The following CEP350 variants were observed in gnomAD, a reference collection of about 807,000 sequenced individuals.
The protein encoded by CEP350 is centrosome-associated protein 350.
Under a neutral mutation model 331.8 loss-of-function variants are expected in CEP350, and 126 were observed. That is an observed-to-expected ratio of 0.38 (90% CI 0.33 to 0.44). The LOEUF is 0.44. Among genes scored for constraint, CEP350 ranks in the 20% least tolerant of loss-of-function variants. The pLI is 1.00. For synonymous variants in CEP350, 1,200 were observed against 1,259.5 expected (o/e 0.95, Z 1.00); for missense variants, 3,406 against 3,634.6 (o/e 0.94, Z 1.62).
chr1:180,052,885 C>T (rs1657602299), intron 22 of CEP350, 85 bp from the exon 23 acceptor site: 2 of 545,538 alleles, frequency 3.7e-6, no homozygotes, highest in African/African-American at 1.9e-5. Context: ...GTTGGATTGT[C>T]CCATAAAGAG....
chr1:179,967,725 C>T (rs1427399612), intron 1 of CEP350, among the ~76,000 whole-genome samples: 2 of 152,044 alleles, frequency 1.3e-5, no homozygotes, highest in African/African-American at 4.8e-5. Context: ...TCATTTCATT[C>T]ATTATTTCAT....
Position 180,020,561 on chromosome 1 carries a change from G to A in CEP350, c.2787G>A (p.Gln929=), listed in dbSNP as rs1229800825. ...FKKLPEMIRP[Q]SAISSFRVRS... Reference sequence around the variant, plus strand: ...AGCTTCCTGAGATGATAAGACCACAGAGTGCCATATCAAGCTTTAGAGTGA... The same window carrying A: ...AGCTTCCTGAGATGATAAGACCACAAAGTGCCATATCAAGCTTTAGAGTGA... Residue 929 remains glutamine, a synonymous_variant, in exon 12 of 38, where the codon CAG becomes CAA. Transcript: ENST00000367607. The A allele has an allele frequency of 2.5e-6, 4 of 1,613,880 alleles. No homozygotes were observed. In the Admixed American group the frequency reaches 6.7e-5, roughly 27 times the overall value.
intron 8 of CEP350, among the ~76,000 whole-genome samples, chr1:180,008,755 G>A (rs1654421262): frequency 6.6e-6 from 1 of 152,178 alleles, no homozygotes; most frequent in Non-Finnish European, 1.5e-5. Context: ...TAGATATGTT[G>A]TTACAATAAA....
At chr1:180,073,964 G>T in intron 27 of CEP350, 3 of 1,270,294 alleles carry the variant, frequency 2.4e-6, no homozygotes, top group South Asian at 1.3e-5. Flanking sequence ...TGTTCTTTTT[G>T]TTTGTTTTGT....
At chr1:180,064,042 A>G (rs564622049) in intron 26 of CEP350, among the ~76,000 whole-genome samples, 1 of 152,162 alleles carries the variant, frequency 6.6e-6, no homozygotes, top group Non-Finnish European at 1.5e-5. Context: ...TCTGCAGACT[A>G]CCTGAAAGTG....
chr1:179,968,836 GCC>G (rs756963661), intron 1 of CEP350: 2 of 712,758 alleles, frequency 2.8e-6, no homozygotes, highest in African/African-American at 1.7e-5. Flanking sequence ...GGCAGCTCGT[GCC>G]ATTGTTACCT....
chr1:180,015,297 G>C (rs995760998), intron 10 of CEP350, among the ~76,000 whole-genome samples: 3 of 151,836 alleles, frequency 2.0e-5, no homozygotes, highest in African/African-American at 7.3e-5. Flanking sequence ...GCAGTGGCGC[G>C]ATCTCGGCTC....
At chr1:180,052,921 A>G (rs1056648182) in intron 22 of CEP350, 49 bp from the exon 23 acceptor site, 2 of 700,430 alleles carry the variant, frequency 2.9e-6, no homozygotes, top group African/African-American at 1.8e-5. Flanking sequence ...TTGAATACCT[A>G]CTGAGAACAA....
rs1219783167 is a variant in CEP350, at chr1:180,093,283, A to G, written c.7178A>G (p.Tyr2393Cys). 4.4e-6 allele frequency: 7 copies of G among 1,598,340 alleles called. No homozygotes were observed. Among genetic ancestry groups the G allele is most frequent in the Non-Finnish European group, 6.0e-6 (7 of 1,171,656 alleles). The part of the protein sequence containing the change: ...SFKKEISAEL[Y>C]KDDFEVSSLL... ...AAGAAAGAAATTTCAGCTGAATTGT[A>G]CAAAGATGATTTTGAGGTGTCATCT... The change falls in exon 34 of 38, where the codon TAC becomes TGC. Residue 2393 changes from tyrosine to cysteine, a missense_variant. Physicochemically the swap from Tyr to Cys is radical, Grantham distance 194. This residue lies in a region of CEP350 where 1,415 missense variants were observed against 1,512.3 expected (regional missense o/e 0.94). Coordinates refer to ENST00000367607, the MANE Select transcript of CEP350 (RefSeq NM_014810.5).
intron 14 of CEP350, among the ~76,000 whole-genome samples, chr1:180,026,862 A>G (rs1316299941): frequency 1.3e-5 from 2 of 152,194 alleles, no homozygotes; most frequent in Admixed American, 1.3e-4. Flanking sequence ...TTGTTTATCC[A>G]TTCATCTGTT....
At chr1:180,033,746 A>T in intron 15 of CEP350, 116 bp from the exon 16 acceptor site, 4 of 1,043,698 alleles carry the variant, frequency 3.8e-6, no homozygotes, top group Non-Finnish European at 5.5e-6. Context: ...TGCCTAAATC[A>T]CAACTTTTTA....
chr1:180,073,811 T>G (rs1325437496), intron 27 of CEP350: 3 of 1,304,486 alleles, frequency 2.3e-6, no homozygotes, highest in Non-Finnish European at 3.0e-6. Flanking sequence ...TCACTACTTC[T>G]TCTCTGTCTT....
intron 25 of CEP350, 37 bp downstream of exon 25, chr1:180,054,539 A>G (rs757660277): frequency 6.9e-7 from 1 of 1,441,864 alleles, no homozygotes; most frequent in African/African-American, 1.4e-5. Context: ...GACAGCTTAT[A>G]AGGCAAGTTA....
chr1:179,975,364 T>G (rs1427382141), intron 1 of CEP350, among the ~76,000 whole-genome samples: 1 of 152,208 alleles, frequency 6.6e-6, no homozygotes, highest in Non-Finnish European at 1.5e-5. Context: ...TGAAGAGTTA[T>G]AAAATCAGAA....
chr1:180,041,767 C>G lies in CEP350; in HGVS notation c.4327C>G (p.Arg1443Gly). 1 of 1,612,908 alleles carries G rather than the reference C, an allele frequency of 6.2e-7. No homozygotes were observed. Residue 1443 changes from arginine (R) to glycine (G), a missense_variant, in exon 19 of 38, where the codon CGC (arginine) becomes GGC (glycine). Arg to Gly is a moderately radical substitution (Grantham distance 125). This residue lies in a region of CEP350 where 1,857 missense variants were observed against 1,909.2 expected (regional missense o/e 0.97). Coordinates refer to ENST00000367607, the MANE Select transcript of CEP350 (RefSeq NM_014810.5). ...KIAAQQSETA[R>G]LTTDAARQIC... ...AGCAGCTCAGCAGTCAGAAACTGCTCGCCTCACCACAGACGCAGCACGTCA... is the reference window on the plus strand; with the variant it reads ...AGCAGCTCAGCAGTCAGAAACTGCTGGCCTCACCACAGACGCAGCACGTCA...
In CEP350 at chr1:179,992,106, A is replaced by C. The variant is rs1324297190; in HGVS notation, c.280A>C (p.Lys94Gln). ...DDSWVNAPIS[K>Q]STKSRKEKSR... is the part of the protein sequence containing the mutation. ...TTCTTGGGTTAATGCTCCAATCTCC[A>C]AATCCACTAAATCACGAAAAGAGAA... Residue 94 changes from lysine (K) to glutamine (Q), a missense_variant, in exon 5 of 38, where the codon AAA becomes CAA. Coordinates refer to ENST00000367607, the MANE Select transcript of CEP350 (RefSeq NM_014810.5). The C allele has an allele frequency of 6.4e-7, 1 of 1,553,818 alleles. No individual in the cohort carries two copies. The highest frequency in any genetic ancestry group is 1.4e-5 in the African/African-American group (1 of 72,318).
chr1:180,024,431 C>A lies in CEP350; in HGVS notation c.3399C>A (p.Ser1133Arg), dbSNP rs1390600279. Residue 1133 changes from serine (S) to arginine (R), a missense_variant, in exon 14 of 38, where the codon AGC becomes AGA. By Grantham distance (110) the Ser-to-Arg change is moderately radical. Around this residue, in one of 5 missense-constraint regions of CEP350, gnomAD observed 1,857 missense variants for 1,909.2 expected, o/e 0.97. Coordinates refer to ENST00000367607, the MANE Select transcript of CEP350 (RefSeq NM_014810.5). ...KSTLEPHSTL[S>R]PQEDHSNRKS... ...TATTCTTTGACAGTAGCACTTTAAG[C>A]CCTCAGGAGGACCATTCTAACAGAA... The A allele has an allele frequency of 1.9e-6, 3 of 1,610,798 alleles. No homozygotes were observed. The highest frequency in any genetic ancestry group is 3.3e-5 in the Admixed American group (2 of 59,788).
chr1:180,055,267 A>G (rs1304416596), intron 25 of CEP350, among the ~76,000 whole-genome samples: 1 of 152,164 alleles, frequency 6.6e-6, no homozygotes, highest in Non-Finnish European at 1.5e-5. Flanking sequence ...ACTCTCTGAG[A>G]CTTAATTTCC....
At chr1:180,084,307 C>G (rs1355016163) in intron 31 of CEP350, 129 bp downstream of exon 31, 2 of 840,822 alleles carry the variant, frequency 2.4e-6, no homozygotes, top group African/African-American at 3.5e-5. Context: ...ACATTTTATT[C>G]TCTTAAAAAA....
Sources: gnomAD v4.1 joint callset for allele counts (sites outside exome capture counted in the v4.1 genomes callset) on GRCh38, gnomAD v4.1.1 for gene constraint, gnomAD v4.1.1 regional missense constraint, MANE v1.5 for transcripts, NCBI Gene and HGNC (gene_info 2026-07-23, HGNC 2026-07-21) for gene names.